The following MAPK10 variants were observed in gnomAD, a reference collection of about 807,000 sequenced individuals.
MAPK10 encodes the protein mitogen-activated protein kinase 10, also known as JNK3 alpha protein kinase.
A neutral mutation model predicts 59.3 loss-of-function variants in MAPK10; 25 were observed. The observed-to-expected ratio is 0.42, with a 90% CI of 0.31 to 0.59. The LOEUF is 0.59. Among genes scored for constraint, MAPK10 ranks in the 20% least tolerant of loss-of-function variants. MAPK10 has a pLI of 0.15. For missense variants in MAPK10, 351 were observed against 568.9 expected, an observed-to-expected ratio of 0.62 and a Z score of 3.90; for synonymous variants, 190 against 200.5, an observed-to-expected ratio of 0.95 and a Z score of 0.44.
chr4:86,444,857 AACC>A (rs982813426), intron 1 of MAPK10, among the ~76,000 whole-genome samples: 1 of 152,194 alleles, frequency 6.6e-6, no homozygotes, highest in Non-Finnish European at 1.5e-5. Context: ...TGCAAATCAA[AACC>A]ACAATGAGAT....
At chr4:86,268,447 T>G (rs1001674199) in intron 2 of MAPK10, 4 of 152,278 alleles carry the variant, frequency 2.6e-5, no homozygotes, top group African/African-American at 9.6e-5. Flanking sequence ...GCATATCACT[T>G]CCCTGCCTCC....
intron 1 of MAPK10, among the ~76,000 whole-genome samples, chr4:86,417,967 C>T (rs1237270511): frequency 6.6e-6 from 1 of 152,174 alleles, no homozygotes; most frequent in African/African-American, 2.4e-5. Flanking sequence ...TTTCAGACGG[C>T]CTTCTTAGCA....
At chr4:86,361,149 A>G (rs779648259), upstream of MAPK10, among the ~76,000 whole-genome samples, 2 of 152,222 alleles carry the variant, frequency 1.3e-5, no homozygotes, top group Non-Finnish European at 2.9e-5. Flanking sequence ...CAAGAGATGC[A>G]AACTCAGCAG....
chr4:86,501,063 C>T (rs6824509), intron 1 of MAPK10, among the ~76,000 whole-genome samples: 1 of 121,422 alleles, frequency 8.2e-6, no homozygotes, highest in Non-Finnish European at 1.6e-5. Context: ...TTTACACTTT[C>T]TTATGTGAAT....
upstream of MAPK10, among the ~76,000 whole-genome samples, chr4:86,362,246 T>C (rs1021836204): frequency 5.9e-5 from 9 of 152,080 alleles, no homozygotes; most frequent in Admixed American, 1.3e-4. Context: ...AGGAACGCCA[T>C]CTCTTACCTT....
chr4:86,169,227 G>A (rs1297485920), intron 3 of MAPK10, among the ~76,000 whole-genome samples: 4 of 152,194 alleles, frequency 2.6e-5, no homozygotes, highest in South Asian at 2.1e-4. Flanking sequence ...TGACTTTGAC[G>A]AGTTGAGAGA....
At chr4:86,424,733 A>C (rs538207917) in intron 1 of MAPK10, among the ~76,000 whole-genome samples, 1 of 152,236 alleles carries the variant, frequency 6.6e-6, no homozygotes, top group African/African-American at 2.4e-5. Context: ...CATGAGGGAA[A>C]TCATGAGGGT....
At chr4:86,267,051 C>T (rs975305239) in intron 2 of MAPK10, among the ~76,000 whole-genome samples, 1 of 152,156 alleles carries the variant, frequency 6.6e-6, no homozygotes, top group Non-Finnish European at 1.5e-5. Flanking sequence ...CCAGCACAAG[C>T]TTCTATGCTG....
chr4:86,214,966 A>C (rs1277222458), intron 2 of MAPK10, among the ~76,000 whole-genome samples: 3 of 152,172 alleles, frequency 2.0e-5, no homozygotes, highest in Non-Finnish European at 4.4e-5. Context: ...AACAACCTTG[A>C]AAAAAGAACA....
At chr4:86,051,975 A>G (rs764622335) in intron 11 of MAPK10, among the ~76,000 whole-genome samples, 1 of 152,190 alleles carries the variant, frequency 6.6e-6, no homozygotes, top group Non-Finnish European at 1.5e-5. Flanking sequence ...TCACAGCATA[A>G]GAAAAGAACT....
chr4:86,291,628 T>A (rs1434661838), intron 2 of MAPK10, among the ~76,000 whole-genome samples: 1 of 152,204 alleles, frequency 6.6e-6, no homozygotes, highest in Non-Finnish European at 1.5e-5. Context: ...AAATGTAGAT[T>A]TACATTTATA....
chr4:86,494,743 T>C (rs1031649495), intron 1 of MAPK10, among the ~76,000 whole-genome samples: 4 of 147,272 alleles, frequency 2.7e-5, no homozygotes, highest in Non-Finnish European at 5.9e-5. Context: ...CTCAGGAGGC[T>C]GAGGCAGGAG....
chr4:86,577,795 G>A (rs545077959), intron 1 of MAPK10, among the ~76,000 whole-genome samples: 1 of 152,178 alleles, frequency 6.6e-6, no homozygotes, highest in Admixed American at 6.5e-5. Flanking sequence ...TGAGATCATT[G>A]AATTGGAAAA....
intron 11 of MAPK10, among the ~76,000 whole-genome samples, chr4:86,033,160 G>A (rs1428869256): frequency 1.3e-5 from 2 of 152,196 alleles, no homozygotes; most frequent in Admixed American, 6.5e-5. Flanking sequence ...GTAAAATGAA[G>A]TTATTTTTGA....
chr4:86,583,454 T>C (rs1423540167), intron 1 of MAPK10, among the ~76,000 whole-genome samples: 1 of 152,122 alleles, frequency 6.6e-6, no homozygotes, highest in Non-Finnish European at 1.5e-5. Flanking sequence ...AATATGTAGG[T>C]GAAAGAATAC....
intron 1 of MAPK10, among the ~76,000 whole-genome samples, chr4:86,491,337 T>C (rs1456068681): frequency 6.6e-6 from 1 of 152,234 alleles, no homozygotes; most frequent in Non-Finnish European, 1.5e-5. Context: ...ACATGGTTGA[T>C]GGTACCAGAG....
At chr4:86,110,622 T>G (rs746102183) in intron 4 of MAPK10, among the ~76,000 whole-genome samples, 21 of 152,188 alleles carry the variant, frequency 1.4e-4, no homozygotes, top group Non-Finnish European at 2.6e-4. Context: ...ACCATGCTGT[T>G]TTGGTTATTG....
At chr4:86,320,740 G>A (rs1412094163) in intron 2 of MAPK10, among the ~76,000 whole-genome samples, 1 of 152,164 alleles carries the variant, frequency 6.6e-6, no homozygotes, top group African/African-American at 2.4e-5. Flanking sequence ...ACATGCCTAT[G>A]TCCTGAATGG....
At chr4:86,552,902 G>A (rs1759966901) in intron 1 of MAPK10, among the ~76,000 whole-genome samples, 2 of 151,976 alleles carry the variant, frequency 1.3e-5, no homozygotes, top group African/African-American at 2.4e-5. Flanking sequence ...GCTTTCACCC[G>A]GGCTTCCACA....
Sources: allele counts gnomAD v4.1 joint callset (sites outside exome capture counted in the v4.1 genomes callset), GRCh38; gene constraint gnomAD v4.1.1; transcripts MANE v1.5; gene names NCBI Gene and HGNC (gene_info 2026-07-23, HGNC 2026-07-21).